The following MAP4K4 variants were observed in gnomAD, a reference collection of about 807,000 sequenced individuals.
MAP4K4 encodes the protein mitogen-activated protein kinase kinase kinase kinase 4.
Under a neutral mutation model 189.6 loss-of-function variants are expected in MAP4K4, and 38 were observed. The observed-to-expected ratio is 0.20, with a 90% CI of 0.15 to 0.26. MAP4K4 has a LOEUF of 0.26. MAP4K4 is among the 10% of genes least tolerant of loss of function. MAP4K4 has a pLI of 1.00. For missense variants in MAP4K4, 1,054 were observed against 1,726.9 expected, an observed-to-expected ratio of 0.61 and a Z score of 6.91; for synonymous variants, 610 against 624.3, an observed-to-expected ratio of 0.98 and a Z score of 0.34.
In MAP4K4 at chr2:101,864,098, AT is replaced by A. The variant is rs201606406; in HGVS notation, c.2097+56del. 1,125 of 1,081,270 alleles carry A rather than the reference AT, an allele frequency of 1.0e-3. 1 individual carries two copies. Among genetic ancestry groups the A allele is most frequent in the South Asian group, 1.5e-3 (98 of 65,992 alleles). The allele number at this position is 1,081,270 out of a possible 1,614,324, so 67.0% of individuals were successfully genotyped here. A position where few individuals can be genotyped will look rare whatever the true frequency, so the allele number is the denominator to read the frequency against. On this transcript the variant is annotated intron_variant, in intron 17 of 32. Transcript: ENST00000324219. ...GTGTGCTGCTTTTTTCCTTTTTGTT[AT>A]TTTTTTTTAAAGATTATTTATTTTA...
intron 3 of MAP4K4, among the ~76,000 whole-genome samples, chr2:101,801,710 T>C (rs1389072634): frequency 6.6e-6 from 1 of 152,154 alleles, no homozygotes; most frequent in African/African-American, 2.4e-5. Context: ...TTAGGGATGG[T>C]GTCAGGCCTC....
chr2:101,872,926 T>C lies in MAP4K4; in HGVS notation c.2953-721T>C, dbSNP rs1236970062. ...GCAGTATTTTACTATAACCCTTAAC[T>C]CACTAAACCGGCAAATTTATTTTTC... On this transcript the variant is annotated intron_variant, in intron 24 of 32. Coordinates refer to ENST00000324219, the Ensembl canonical transcript of MAP4K4. Among the ~76,000 whole-genome samples, 3 of 152,236 alleles carry C rather than the reference T, an allele frequency of 2.0e-5. No homozygotes were observed. In the East Asian group the frequency reaches 5.8e-4, roughly 29 times the overall value.
intron 3 of MAP4K4, among the ~76,000 whole-genome samples, chr2:101,807,776 G>A (rs1210677537): frequency 6.6e-6 from 1 of 152,122 alleles, no homozygotes; most frequent in Non-Finnish European, 1.5e-5. Context: ...GAGTGGGGGA[G>A]GGGGAGGGAA....
intron 9 of MAP4K4, 27 bp from the exon 10 acceptor site, chr2:101,839,791 AT>A: frequency 6.5e-7 from 1 of 1,528,022 alleles, no homozygotes; most frequent in East Asian, 2.3e-5. Flanking sequence ...TGTGGTGGAA[AT>A]TTGATGATCT....
chr2:101,862,222 CAG>C (rs2149874884), intron 16 of MAP4K4: 1 of 113,524 alleles, frequency 8.8e-6, no homozygotes, highest in African/African-American at 3.5e-5. Flanking sequence ...GCCTGAGTGA[CAG>C]AGTGAGACTC....
At chr2:101,839,039 G>C (rs888044651) in intron 9 of MAP4K4, among the ~76,000 whole-genome samples, 10 of 152,146 alleles carry the variant, frequency 6.6e-5, no homozygotes, top group Admixed American at 4.6e-4. Context: ...CAGAAGAAAG[G>C]CTCCTAAATT....
At chr2:101,848,773 G>A (rs1055070637) in intron 12 of MAP4K4, among the ~76,000 whole-genome samples, 8 of 152,028 alleles carry the variant, frequency 5.3e-5, no homozygotes, top group African/African-American at 1.4e-4. Flanking sequence ...TGCTGGTATC[G>A]CCCTCCTTTG....
intron 3 of MAP4K4, among the ~76,000 whole-genome samples, chr2:101,803,661 T>C (rs981030689): frequency 6.6e-6 from 1 of 152,196 alleles, no homozygotes; most frequent in Non-Finnish European, 1.5e-5. Context: ...CTTTCTGGAA[T>C]TGCTTGTTTT....
intron 9 of MAP4K4, among the ~76,000 whole-genome samples, chr2:101,838,277 A>G (rs1272289276): frequency 6.6e-6 from 1 of 152,238 alleles, no homozygotes; most frequent in East Asian, 1.9e-4. Context: ...TAAACTCCCC[A>G]AAATGATCTT....
chr2:101,867,405 G>A (rs537880239), intron 20 of MAP4K4, 96 bp downstream of exon 20: 54 of 855,250 alleles, frequency 6.3e-5, no homozygotes, highest in South Asian at 2.9e-4. Flanking sequence ...TCTTTTCTGC[G>A]AGGGCCCCTC....
At chr2:101,837,099 CTTT>C (rs76757886) in intron 9 of MAP4K4, among the ~76,000 whole-genome samples, 1 of 133,236 alleles carries the variant, frequency 7.5e-6, no homozygotes, top group Admixed American at 7.5e-5. Flanking sequence ...TACTATATGG[CTTT>C]TTTTTTTTTT....
intron 32 of MAP4K4, among the ~76,000 whole-genome samples, chr2:101,890,444 G>T (rs1452540362): frequency 6.6e-6 from 1 of 152,094 alleles, no homozygotes; most frequent in East Asian, 1.9e-4. Context: ...AGAGGTTTTT[G>T]TGGGTTGTTT....
chr2:101,742,501 C>T (rs2063304053), intron 2 of MAP4K4, among the ~76,000 whole-genome samples: 1 of 148,970 alleles, frequency 6.7e-6, no homozygotes, highest in East Asian at 2.0e-4. Context: ...CTGACTTCTC[C>T]CTCTAGGATG....
chr2:101,734,105 G>GA (rs1201372774), intron 2 of MAP4K4, among the ~76,000 whole-genome samples: 1 of 152,134 alleles, frequency 6.6e-6, no homozygotes, highest in Non-Finnish European at 1.5e-5. Flanking sequence ...ACTATTGATA[G>GA]AAAATAAATC....
chr2:101,817,917 A>AC (rs2095820224), intron 3 of MAP4K4, among the ~76,000 whole-genome samples: 1 of 152,118 alleles, frequency 6.6e-6, no homozygotes, highest in South Asian at 2.1e-4. Context: ...TTTAAGGAAC[A>AC]TGTAATTTCT....
chr2:101,862,969 A>G (rs1376535111), intron 16 of MAP4K4, among the ~76,000 whole-genome samples: 2 of 152,238 alleles, frequency 1.3e-5, no homozygotes, highest in African/African-American at 2.4e-5. Context: ...GCCATATTGA[A>G]CAATCATTTT....
At chr2:101,870,452 C>A (rs369749484) in intron 23 of MAP4K4, 37 bp downstream of exon 23, 29 of 1,609,894 alleles carry the variant, frequency 1.8e-5, no homozygotes, top group Non-Finnish European at 8.5e-7. Flanking sequence ...GGCTGAGCTT[C>A]TCCTGTGGTC....
At chr2:101,749,340 C>A (rs1205764489) in intron 2 of MAP4K4, among the ~76,000 whole-genome samples, 1 of 151,536 alleles carries the variant, frequency 6.6e-6, no homozygotes. Flanking sequence ...GAACAGAGCC[C>A]TCAGAAATAA....
intron 2 of MAP4K4, among the ~76,000 whole-genome samples, chr2:101,728,653 G>A (rs1249731104): frequency 1.3e-5 from 2 of 152,092 alleles, no homozygotes; most frequent in Non-Finnish European, 2.9e-5. Flanking sequence ...CGAGTAGCTG[G>A]GACTACAGGC....
Sources: allele counts gnomAD v4.1 joint callset (sites outside exome capture counted in the v4.1 genomes callset), GRCh38; gene constraint gnomAD v4.1.1; transcripts MANE v1.5; gene names NCBI Gene and HGNC (gene_info 2026-07-23, HGNC 2026-07-21).